Variants in SYTL3 observed in about 807,000 individuals in gnomAD.
SYTL3 encodes the protein synaptotagmin like 3.
Under a neutral mutation model 82.1 loss-of-function variants are expected in SYTL3, and 88 were observed. That is an observed-to-expected ratio of 1.07 (90% CI 0.90 to 1.28). The LOEUF (loss-of-function observed/expected upper bound fraction) is 1.28, where lower values mean the gene tolerates loss of function less well. Ranked by LOEUF, SYTL3 falls within the 50% of genes most tolerant of loss-of-function variation. SYTL3 has a pLI of 0.00. For missense variants in SYTL3, 831 were observed against 757.6 expected, an observed-to-expected ratio of 1.10 and a Z score of -1.14; for synonymous variants, 311 against 289.4, an observed-to-expected ratio of 1.07 and a Z score of -0.76.
At chr6:158,737,749 G>A (rs1037894126) in intron 11 of SYTL3, among the ~76,000 whole-genome samples, 13 of 152,236 alleles carry the variant, frequency 8.5e-5, no homozygotes, top group African/African-American at 3.1e-4. Flanking sequence ...TGGTGGTGGA[G>A]CCATGAGTCG....
intron 11 of SYTL3, chr6:158,725,977 G>T (rs998394320): frequency 4.0e-5 from 27 of 668,922 alleles, no homozygotes; most frequent in Non-Finnish European, 7.7e-5. Context: ...CTTCCAAGTG[G>T]TTGGAGCTGC....
intron 2 of SYTL3, among the ~76,000 whole-genome samples, chr6:158,652,086 C>G (rs957431140): frequency 6.6e-6 from 1 of 151,570 alleles, no homozygotes; most frequent in Non-Finnish European, 1.5e-5. Flanking sequence ...TGCCACCATG[C>G]CCAGATAATT....
chr6:158,657,916 G>GTC (rs1788892479), intron 2 of SYTL3, among the ~76,000 whole-genome samples: 2 of 149,780 alleles, frequency 1.3e-5, no homozygotes, highest in Admixed American at 6.7e-5. Context: ...TTTTTGAGAC[G>GTC]GAGTCTTGCT....
chr6:158,687,231 T>C (rs1779396704), intron 6 of SYTL3, among the ~76,000 whole-genome samples: 1 of 152,192 alleles, frequency 6.6e-6, no homozygotes, highest in African/African-American at 2.4e-5. Flanking sequence ...GGGGGATCTG[T>C]GCTCTTGGGG....
intron 13 of SYTL3, among the ~76,000 whole-genome samples, chr6:158,755,553 G>A (rs1192650803): frequency 1.3e-5 from 2 of 152,218 alleles, no homozygotes; most frequent in Non-Finnish European, 2.9e-5. Context: ...TGTGGACAGA[G>A]CCTACAGGCA....
At chr6:158,675,911 C>A (rs1376323062) in intron 5 of SYTL3, among the ~76,000 whole-genome samples, 1 of 152,174 alleles carries the variant, frequency 6.6e-6, no homozygotes, top group Non-Finnish European at 1.5e-5. Context: ...GATGGCACCA[C>A]TGCACCCCAG....
chr6:158,745,437 A>G (rs1787499609), intron 11 of SYTL3, 43 bp from the exon 12 acceptor site: 1 of 1,541,472 alleles, frequency 6.5e-7, no homozygotes, highest in East Asian at 2.3e-5. Flanking sequence ...AAAAAAGTGA[A>G]TTAACTGAAG....
chr6:158,731,651 G>C (rs1289999929), intron 11 of SYTL3, among the ~76,000 whole-genome samples: 1 of 152,092 alleles, frequency 6.6e-6, no homozygotes, highest in Non-Finnish European at 1.5e-5. Flanking sequence ...TGGAGTGCAG[G>C]GGTGCAATCT....
chr6:158,739,088 T>C (rs1276150680), intron 11 of SYTL3, among the ~76,000 whole-genome samples: 1 of 152,264 alleles, frequency 6.6e-6, no homozygotes, highest in Non-Finnish European at 1.5e-5. Context: ...TACATTCATA[T>C]TTCAGCTGTG....
intron 11 of SYTL3, among the ~76,000 whole-genome samples, chr6:158,736,788 C>CA (rs56148264): frequency 0.1 from 6,346 of 62,412 alleles, 428 homozygotes; most frequent in African/African-American, 0.26. Flanking sequence ...GACTCTGTCT[C>CA]AAAAAAAAAA....
intron 11 of SYTL3, among the ~76,000 whole-genome samples, chr6:158,734,088 CTG>C (rs1409785045): frequency 4.2e-5 from 4 of 95,752 alleles, no homozygotes; most frequent in African/African-American, 2.2e-4. Context: ...GAGCGAGACC[CTG>C]TCTCAAAAAA....
chr6:158,681,685 A>G (rs933010445), intron 5 of SYTL3, among the ~76,000 whole-genome samples: 2 of 152,096 alleles, frequency 1.3e-5, no homozygotes, highest in Non-Finnish European at 2.9e-5. Context: ...AACAACAAGA[A>G]CAAGTTGTCC....
chr6:158,695,291 C>A (rs1780438536), intron 6 of SYTL3, among the ~76,000 whole-genome samples: 1 of 152,088 alleles, frequency 6.6e-6, no homozygotes, highest in African/African-American at 2.4e-5. Flanking sequence ...CATTATTTTT[C>A]CTATTTCAAT....
chr6:158,741,926 T>C (rs1786978051), intron 11 of SYTL3, among the ~76,000 whole-genome samples: 3 of 152,244 alleles, frequency 2.0e-5, no homozygotes, highest in African/African-American at 7.2e-5. Flanking sequence ...TCTCAATTGG[T>C]TGTTGTCATC....
intron 1 of SYTL3, among the ~76,000 whole-genome samples, chr6:158,650,866 A>C (rs1178889093): frequency 6.6e-6 from 1 of 152,076 alleles, no homozygotes; most frequent in African/African-American, 2.4e-5. Flanking sequence ...CACGAGAATC[A>C]CTTGAACCTG....
intron 6 of SYTL3, among the ~76,000 whole-genome samples, chr6:158,701,255 TGAG>T (rs1583288237): frequency 6.8e-4 from 5 of 7,340 alleles, no homozygotes; most frequent in East Asian, 1.6e-3. Flanking sequence ...TGAAGGAGTG[TGAG>T]CTGGGGTGTA....
At chr6:158,735,918 G>C (rs980972165) in intron 11 of SYTL3, among the ~76,000 whole-genome samples, 2 of 152,166 alleles carry the variant, frequency 1.3e-5, no homozygotes, top group Admixed American at 6.5e-5. Flanking sequence ...GCTTTTACTT[G>C]TTCTCTTTAG....
chr6:158,756,697 C>A (rs1170764620), intron 13 of SYTL3, among the ~76,000 whole-genome samples: 1 of 131,232 alleles, frequency 7.6e-6, no homozygotes, highest in Non-Finnish European at 1.5e-5. Context: ...GGTGACAGAG[C>A]GAGATCCTGT....
At chr6:158,717,982 C>T (rs568047326) in intron 9 of SYTL3, 105 bp from the exon 10 acceptor site, 3 of 1,191,064 alleles carry the variant, frequency 2.5e-6, no homozygotes, top group Non-Finnish European at 3.4e-6. Context: ...CTCTTAAGAC[C>T]TTGGGACCCA....
Sources: allele counts gnomAD v4.1 joint callset (sites outside exome capture counted in the v4.1 genomes callset), GRCh38; gene constraint gnomAD v4.1.1; transcripts MANE v1.5; gene names NCBI Gene and HGNC (gene_info 2026-07-23, HGNC 2026-07-21).